The following XRN1 variants were observed in gnomAD, a reference collection of about 807,000 sequenced individuals.
XRN1 encodes the protein strand-exchange protein 1 homolog.
Under a neutral mutation model 222.3 loss-of-function variants are expected in XRN1, and 67 were observed. That is an observed-to-expected ratio of 0.30 (90% CI 0.25 to 0.37). The LOEUF is 0.37. XRN1 is among the 10% of genes least tolerant of loss of function. The pLI is 1.00. For missense variants in XRN1, 1,707 were observed against 2,000.2 expected, an observed-to-expected ratio of 0.85 and a Z score of 2.80; for synonymous variants, 643 against 652.4, an observed-to-expected ratio of 0.99 and a Z score of 0.22.
rs751870329 is a variant in XRN1, at chr3:142,410,487, G to GTTTTTTTTTTTTTT, written c.1713+2043_1713+2056dup. 1.6e-4 allele frequency among the ~76,000 whole-genome samples: 11 copies of GTTTTTTTTTTTTTT among 68,074 alleles called. 1 individual carries two copies. The highest frequency in any genetic ancestry group is 2.3e-4 in the Admixed American group (1 of 4,262). 44.7% of individuals were successfully genotyped at this position (68,074 alleles called of 152,430 possible). On this transcript the variant is annotated intron_variant, in intron 15 of 40. Transcript: ENST00000392981. ...TATACGCTGTCAGATTCTATCTCAT[G>GTTTTTTTTTTTTTT]TTTTTTTTTTTTTTTTTTTTTTTTT...
intron 1 of XRN1, among the ~76,000 whole-genome samples, chr3:142,434,257 C>T (rs2069765642): frequency 6.6e-6 from 1 of 152,122 alleles, no homozygotes; most frequent in East Asian, 1.9e-4. Flanking sequence ...AGCAATCCTC[C>T]CACCTCAACC....
chr3:142,356,927 A>C lies in XRN1; in HGVS notation c.3657T>G (p.Leu1219=). The C allele has an allele frequency of 6.2e-7, 1 of 1,614,032 alleles. No individual in the cohort carries two copies. Among genetic ancestry groups the C allele is most frequent in the South Asian group, 1.1e-5 (1 of 91,074 alleles). The change falls in exon 31 of 41, where the codon CTT becomes CTG. Residue 1219 remains leucine, a synonymous_variant. Transcript: ENST00000392981. ...LGALNHSPQS[L]FVPTQVPTKD... is the part of the protein sequence containing the mutation. ...AGAGTCTTACTTGAGTAGGAACAAA[A>C]AGTGATTGAGGGGAATGGTTGAGGG...
intron 22 of XRN1, among the ~76,000 whole-genome samples, chr3:142,381,081 T>C (rs1173888564): frequency 1.3e-5 from 2 of 148,626 alleles, no homozygotes; most frequent in East Asian, 2.0e-4. Flanking sequence ...TCCTGGGTAA[T>C]AGAGCGAGAC....
chr3:142,402,474 T>C (rs1323353340), intron 18 of XRN1, among the ~76,000 whole-genome samples: 2 of 151,648 alleles, frequency 1.3e-5, no homozygotes, highest in African/African-American at 4.9e-5. Flanking sequence ...TAAGCCACCA[T>C]GCCCAGCCAT....
At position 142,384,592 on chromosome 3, in the gene XRN1, A is replaced by G. The variant is rs767217798; in HGVS notation, c.2433T>C (p.Asn811=). The change falls in exon 21 of 41, where the codon AAT becomes AAC. Residue 811 remains asparagine (N), a synonymous_variant. Coordinates refer to ENST00000392981, the MANE Select transcript of XRN1 (RefSeq NM_001282857.2). The stretch of plus-strand genomic sequence containing the variant: ...ACTGTTTCTCTAGACGAACTTCACC[A>G]TTTTGATTTATTTGATATTTACGAC... ...LTGRKYQINQ[N]GEVRLEKQWS... 5.0e-6 allele frequency: 8 copies of G among 1,613,240 alleles called. No individual in the cohort carries two copies. The highest frequency in any genetic ancestry group is 3.3e-5 in the Admixed American group (2 of 59,936).
intron 13 of XRN1, among the ~76,000 whole-genome samples, chr3:142,416,829 C>T (rs187888959): frequency 1.8e-3 from 267 of 151,766 alleles, no homozygotes; most frequent in Non-Finnish European, 2.3e-3. Flanking sequence ...GTCAGGAGTT[C>T]GAGACTAGCC....
In XRN1 at chr3:142,341,607, A is replaced by T. The variant is rs116701442; in HGVS notation, c.3877+5627T>A. Among the ~76,000 whole-genome samples, 486 of 152,236 alleles carry T rather than the reference A, an allele frequency of 3.2e-3. 2 individuals are homozygous for T. The highest frequency in any genetic ancestry group is 9.6e-3 in the African/African-American group (399 of 41,530). ...ATAACACTGAATGTCAATGAACTAA[A>T]CTCTAATCAAAAGACATAGAGTGGC... On this transcript the variant is annotated intron_variant, in intron 33 of 40. Transcript: ENST00000392981.
chr3:142,446,643 T>C (rs758435920), intron 1 of XRN1, among the ~76,000 whole-genome samples: 1 of 152,236 alleles, frequency 6.6e-6, no homozygotes, highest in Non-Finnish European at 1.5e-5. Context: ...GTGACTGATA[T>C]ATAGCAGGTA....
At chr3:142,324,919 A>AGT (rs1210611153) in intron 37 of XRN1, among the ~76,000 whole-genome samples, 1 of 152,098 alleles carries the variant, frequency 6.6e-6, no homozygotes, top group Non-Finnish European at 1.5e-5. Context: ...TATCTTGAGA[A>AGT]GTGTGTATAT....
intron 29 of XRN1, among the ~76,000 whole-genome samples, chr3:142,362,481 C>T (rs1474574505): frequency 6.6e-6 from 1 of 151,964 alleles, no homozygotes; most frequent in Non-Finnish European, 1.5e-5. Context: ...TCATGTTGGC[C>T]AGGCTGGTCT....
At chr3:142,421,279 A>C in intron 9 of XRN1, 126 bp from the exon 10 acceptor site, 3 of 1,004,204 alleles carry the variant, frequency 3.0e-6, no homozygotes, top group Non-Finnish European at 4.2e-6. Flanking sequence ...TTTTATATAT[A>C]TGGGAGACCT....
At chr3:142,334,719 A>G (rs112722008) in intron 34 of XRN1, among the ~76,000 whole-genome samples, 18,076 of 151,402 alleles carry the variant, frequency 0.12, 1,123 homozygotes, top group Non-Finnish European at 0.14. Context: ...GTGTATATAT[A>G]TAAGACCATA....
At chr3:142,427,962 A>T (rs557693485) in intron 2 of XRN1, among the ~76,000 whole-genome samples, 1 of 152,332 alleles carries the variant, frequency 6.6e-6, no homozygotes, top group African/African-American at 2.4e-5. Context: ...TCTTTAACAT[A>T]ACAAAAACTC....
intron 39 of XRN1, among the ~76,000 whole-genome samples, 172 bp from the exon 40 acceptor site, chr3:142,312,930 C>A (rs2065116270): frequency 6.6e-6 from 1 of 151,762 alleles, no homozygotes. Context: ...CCTCAGGATC[C>A]TTTCCTAGGA....
chr3:142,420,891 C>T, intron 10 of XRN1, 125 bp downstream of exon 10: 1 of 1,205,308 alleles, frequency 8.3e-7, no homozygotes, highest in Non-Finnish European at 1.2e-6. Flanking sequence ...TTCTGAAATG[C>T]CTATAGAGAG....
chr3:142,405,966 T>C (rs1007807732), intron 15 of XRN1, among the ~76,000 whole-genome samples: 1 of 151,968 alleles, frequency 6.6e-6, no homozygotes, highest in Non-Finnish European at 1.5e-5. Flanking sequence ...TAAAAGATAA[T>C]GTATATGACA....
intron 20 of XRN1, among the ~76,000 whole-genome samples, chr3:142,392,079 C>G (rs1038512347): frequency 1.8e-4 from 27 of 152,158 alleles, no homozygotes; most frequent in Middle Eastern, 6.8e-3. Flanking sequence ...TCTGAAGGTT[C>G]CACCACTTCC....
chr3:142,426,719 AT>A (rs777100921), intron 3 of XRN1, 24 bp downstream of exon 3: 9 of 1,581,108 alleles, frequency 5.7e-6, no homozygotes, highest in Non-Finnish European at 7.8e-6. Flanking sequence ...CAATTCTGTC[AT>A]AATTTGTCTC....
At chr3:142,357,286 G>T (rs1011250274) in intron 30 of XRN1, among the ~76,000 whole-genome samples, 167 bp from the exon 31 acceptor site, 1 of 152,102 alleles carries the variant, frequency 6.6e-6, no homozygotes, top group African/African-American at 2.4e-5. Context: ...TTTATAAGAT[G>T]ATGTATTTCT....
Sources: allele counts gnomAD v4.1 joint callset (sites outside exome capture counted in the v4.1 genomes callset), GRCh38; gene constraint gnomAD v4.1.1; transcripts MANE v1.5; gene names NCBI Gene and HGNC (gene_info 2026-07-23, HGNC 2026-07-21).